The following METTL24 variants were observed in gnomAD, a reference collection of about 807,000 sequenced individuals.
The protein encoded by METTL24 is methyltransferase like 24.
METTL24 carries 29 observed loss-of-function variants against 32.7 expected under a neutral mutation model. The observed-to-expected ratio is 0.89, with a 90% CI of 0.66 to 1.21. METTL24 has a LOEUF of 1.21. Among genes scored for constraint, METTL24 ranks in the 50% most tolerant of loss-of-function variants. The pLI, the probability that METTL24 is intolerant of heterozygous loss-of-function variation, is 0.00. For synonymous variants in METTL24, 163 were observed against 179.5 expected, an observed-to-expected ratio of 0.91 and a Z score of 0.73; for missense variants, 439 against 468.1, an observed-to-expected ratio of 0.94 and a Z score of 0.57.
chr6:110,309,831 C>T (rs1190126570), intron 3 of METTL24, among the ~76,000 whole-genome samples: 4 of 151,734 alleles, frequency 2.6e-5, no homozygotes, highest in African/African-American at 9.7e-5. Context: ...GACAATATCA[C>T]TCCCAAAGGG....
intron 4 of METTL24, among the ~76,000 whole-genome samples, chr6:110,297,742 C>A (rs1329152235): frequency 6.6e-6 from 1 of 152,208 alleles, no homozygotes; most frequent in Non-Finnish European, 1.5e-5. Flanking sequence ...AAAAGGAGTT[C>A]TCTTCTGAGA....
intron 1 of METTL24, among the ~76,000 whole-genome samples, chr6:110,328,922 G>T (rs548886754): frequency 6.6e-6 from 1 of 152,146 alleles, no homozygotes; most frequent in Non-Finnish European, 1.5e-5. Flanking sequence ...AATGACCTTA[G>T]GCAGCCCATG....
At chr6:110,309,962 A>G (rs1220312627) in intron 3 of METTL24, among the ~76,000 whole-genome samples, 2 of 152,200 alleles carry the variant, frequency 1.3e-5, no homozygotes, top group East Asian at 1.9e-4. Flanking sequence ...ATAGATGTAC[A>G]GTATTATCTA....
At chr6:110,326,202 G>A (rs1458725387) in intron 1 of METTL24, among the ~76,000 whole-genome samples, 1 of 152,168 alleles carries the variant, frequency 6.6e-6, no homozygotes, top group Non-Finnish European at 1.5e-5. Flanking sequence ...ATACCCAGGA[G>A]GAAGAAACAC....
chr6:110,343,389 G>A (rs568542583), intron 1 of METTL24, among the ~76,000 whole-genome samples: 1 of 152,334 alleles, frequency 6.6e-6, no homozygotes, highest in Non-Finnish European at 1.5e-5. Context: ...TATAATGAGT[G>A]CTTCCTATGG....
At chr6:110,250,284 G>C (rs374557282) in intron 4 of METTL24, among the ~76,000 whole-genome samples, 1 of 151,908 alleles carries the variant, frequency 6.6e-6, no homozygotes, top group African/African-American at 2.4e-5. Flanking sequence ...CTGGCTTCCC[G>C]TGGCTTGCTA....
chr6:110,330,390 G>A (rs994236850), intron 1 of METTL24, among the ~76,000 whole-genome samples: 9 of 152,186 alleles, frequency 5.9e-5, no homozygotes, highest in Non-Finnish European at 2.9e-5. Flanking sequence ...GAAGCAGAGC[G>A]TAGGCAAAGC....
At chr6:110,301,691 G>A (rs916911421) in intron 3 of METTL24, among the ~76,000 whole-genome samples, 1 of 152,162 alleles carries the variant, frequency 6.6e-6, no homozygotes. Context: ...CAACAGTAAA[G>A]ACATACAAGC....
At chr6:110,357,807 G>T in intron 1 of METTL24, 148 bp downstream of exon 1, 1 of 265,710 alleles carries the variant, frequency 3.8e-6, no homozygotes, top group Non-Finnish European at 6.5e-6. Context: ...CCGTGGAGCC[G>T]CCTAAGAGAG....
At chr6:110,291,092 T>G (rs1417339549) in intron 4 of METTL24, among the ~76,000 whole-genome samples, 1 of 152,188 alleles carries the variant, frequency 6.6e-6, no homozygotes, top group Admixed American at 6.6e-5. Flanking sequence ...CTCTATGTAT[T>G]CTGGATACAA....
chr6:110,249,270 G>A (rs1778228814), intron 4 of METTL24, among the ~76,000 whole-genome samples: 1 of 151,900 alleles, frequency 6.6e-6, no homozygotes, highest in South Asian at 2.1e-4. Flanking sequence ...GTAAACATAG[G>A]CTTTCTTTGA....
rs555694145 is a variant in METTL24 at position 110,344,998 on chromosome 6, G to A, written c.318+12957C>T. 2.0e-5 allele frequency among the ~76,000 whole-genome samples: 3 copies of A among 152,294 alleles called. 1 individual carries two copies. In the South Asian group the frequency reaches 6.2e-4, roughly 32 times the overall value. ...TATCAACAGAGTTAGCAAACAACCT[G>A]TAGTGGATGGGAGAAAATGCCTGCA... On this transcript the variant is annotated intron_variant, in intron 1 of 4. Transcript: ENST00000338882.
At chr6:110,331,792 T>C (rs1440826369) in intron 1 of METTL24, among the ~76,000 whole-genome samples, 3 of 152,148 alleles carry the variant, frequency 2.0e-5, no homozygotes, top group African/African-American at 7.2e-5. Context: ...CACACCTTTA[T>C]GTGTCATAAG....
chr6:110,258,819 CACAACAA>C (rs1274115989), intron 4 of METTL24, among the ~76,000 whole-genome samples: 3 of 148,494 alleles, frequency 2.0e-5, no homozygotes, highest in African/African-American at 7.5e-5. Flanking sequence ...CACACACACA[CACAACAA>C]AACAAAACAA....
At chr6:110,295,469 G>A (rs771320486) in intron 4 of METTL24, among the ~76,000 whole-genome samples, 9 of 152,210 alleles carry the variant, frequency 5.9e-5, no homozygotes, top group Non-Finnish European at 1.2e-4. Flanking sequence ...CTGACAGGCA[G>A]GGAGGCCAGC....
chr6:110,329,675 C>T (rs1430584377), intron 1 of METTL24, among the ~76,000 whole-genome samples: 3 of 152,128 alleles, frequency 2.0e-5, no homozygotes, highest in Non-Finnish European at 4.4e-5. Flanking sequence ...GTTTCACGTG[C>T]CTTCCCCTCA....
chr6:110,277,621 A>C (rs1771069701), intron 4 of METTL24, among the ~76,000 whole-genome samples: 1 of 152,194 alleles, frequency 6.6e-6, no homozygotes, highest in South Asian at 2.1e-4. Context: ...TATAGTAAAG[A>C]AATCTTTGTC....
rs368111097 is a variant in METTL24, at chr6:110,302,004, G to A, written c.558-2854C>T. Among the ~76,000 whole-genome samples the A allele has an allele frequency of 1.1e-3, 162 of 152,102 alleles. 5 individuals are homozygous for A. The South Asian group carries it at 0.027, about 25-fold the overall frequency. On this transcript the variant is annotated intron_variant, in intron 3 of 4. Transcript: ENST00000338882. ...TTAAGAGAACGTTATGGCTGCATGC[G>A]GTGGCTCACACCTGTAATCCCAGCA...
chr6:110,281,287 T>C (rs1771130852), intron 4 of METTL24, among the ~76,000 whole-genome samples: 1 of 151,976 alleles, frequency 6.6e-6, no homozygotes, highest in Non-Finnish European at 1.5e-5. Flanking sequence ...AGGATAGCCA[T>C]AGGAAAGTAG....
Sources: allele counts gnomAD v4.1 joint callset (sites outside exome capture counted in the v4.1 genomes callset), GRCh38; gene constraint gnomAD v4.1.1; transcripts MANE v1.5; gene names NCBI Gene and HGNC (gene_info 2026-07-23, HGNC 2026-07-21).